ST7: variants seen among roughly 807,000 people sequenced by gnomAD.
ST7 encodes the protein suppression of tumorigenicity 7.
A neutral mutation model predicts 78.7 loss-of-function variants in ST7; 28 were observed. The ratio of observed to expected loss-of-function variants is 0.36; its 90% CI spans 0.26 to 0.49. ST7 has a LOEUF of 0.49. ST7 is among the 20% of genes least tolerant of loss of function. ST7 has a pLI of 0.99. For missense variants in ST7, 418 were observed against 696.0 expected (o/e 0.60, Z 4.49); for synonymous variants, 247 against 249.6 (o/e 0.99, Z 0.10).
intron 2 of ST7, among the ~76,000 whole-genome samples, chr7:117,113,198 C>G (rs1373410028): frequency 6.6e-6 from 1 of 152,184 alleles, no homozygotes; most frequent in Non-Finnish European, 1.5e-5. Context: ...GACCTAAGGA[C>G]TAGGCATTCA....
chr7:117,051,162 C>T (rs1797774774), intron 1 of ST7, among the ~76,000 whole-genome samples: 1 of 152,204 alleles, frequency 6.6e-6, no homozygotes, highest in Non-Finnish European at 1.5e-5. Context: ...CTGTGTTTAA[C>T]TGCTAGAATT....
At chr7:117,192,562 T>C (rs900751619) in intron 12 of ST7, among the ~76,000 whole-genome samples, 2 of 152,218 alleles carry the variant, frequency 1.3e-5, no homozygotes, top group African/African-American at 4.8e-5. Context: ...TTTTTGATGA[T>C]TTTAATATCA....
chr7:117,183,940 G>A (rs779749390), intron 10 of ST7, among the ~76,000 whole-genome samples: 22 of 152,312 alleles, frequency 1.4e-4, no homozygotes, highest in Non-Finnish European at 2.6e-4. Flanking sequence ...TGACTGACAC[G>A]TGCTACAACA....
intron 1 of ST7, chr7:116,972,414 C>G: frequency 1.4e-6 from 1 of 702,552 alleles, no homozygotes; most frequent in East Asian, 2.5e-5. Context: ...ACTTCAGATT[C>G]TGGTCCATCA....
intron 1 of ST7, among the ~76,000 whole-genome samples, chr7:117,081,794 G>T (rs1362940248): frequency 6.6e-6 from 1 of 152,046 alleles, no homozygotes; most frequent in Non-Finnish European, 1.5e-5. Flanking sequence ...AATTATTTTT[G>T]AAACATTTTT....
intron 8 of ST7, chr7:117,137,226 A>T (rs1445233973): frequency 6.6e-6 from 1 of 152,132 alleles, no homozygotes; most frequent in Non-Finnish European, 1.5e-5. Flanking sequence ...GTGCCAGCAA[A>T]ATCTTTGCAT....
intron 3 of ST7, among the ~76,000 whole-genome samples, chr7:117,120,787 A>G (rs1803307340): frequency 6.6e-6 from 1 of 152,138 alleles, no homozygotes; most frequent in South Asian, 2.1e-4. Flanking sequence ...TATCTCTAGC[A>G]TCTTGCAGTG....
chr7:117,198,842 G>T (rs1294743479), intron 12 of ST7, among the ~76,000 whole-genome samples: 1 of 151,956 alleles, frequency 6.6e-6, no homozygotes, highest in Non-Finnish European at 1.5e-5. Context: ...CCACTATTAT[G>T]GAGGCTGAGG....
chr7:117,203,503 A>T (rs1811064862), intron 12 of ST7, among the ~76,000 whole-genome samples: 1 of 152,146 alleles, frequency 6.6e-6, no homozygotes, highest in African/African-American at 2.4e-5. Context: ...GTAGGCTTTG[A>T]TGCTTTTGGT....
chr7:117,083,454 C>T (rs1055243345), intron 1 of ST7, among the ~76,000 whole-genome samples: 4 of 151,996 alleles, frequency 2.6e-5, no homozygotes, highest in Non-Finnish European at 5.9e-5. Context: ...GATGGGGTTT[C>T]ACCATGTTGG....
At chr7:117,170,758 TC>T (rs145123215) in intron 9 of ST7, 103 bp from the exon 10 acceptor site, 32,381 of 387,010 alleles carry the variant, frequency 0.084, 3,050 homozygotes, top group African/African-American at 0.3. Flanking sequence ...TGTATATATA[TC>T]CAAACCGTGA....
chr7:117,014,405 A>C (rs1264074834), intron 1 of ST7, among the ~76,000 whole-genome samples: 8 of 152,340 alleles, frequency 5.3e-5, no homozygotes, highest in African/African-American at 1.9e-4. Context: ...TGTCTATTTT[A>C]GGACTTGGAT....
intron 9 of ST7, among the ~76,000 whole-genome samples, chr7:117,142,685 C>G (rs1209748634): frequency 1.3e-5 from 2 of 152,100 alleles, no homozygotes; most frequent in East Asian, 3.9e-4. Context: ...GATCTTGGCT[C>G]ACTGCAACCT....
rs571879261 is a variant in ST7, at chr7:117,190,377, G to A, written c.1152-457G>A. ...TGCCGGAATGGCCCCAAGCAGGCTC[G>A]CCTGCTGCTGAAGCTGCAACGATTT... On this transcript the variant is annotated intron_variant, in intron 11 of 15. Coordinates refer to ENST00000323984, the MANE Select transcript of ST7 (RefSeq NM_001369598.1). This position sits in a 1 kb window ranked among gnomAD's most constrained non-coding sequence, Gnocchi z 5.2. 6 of 169,102 alleles carry A rather than the reference G, an allele frequency of 3.5e-5. No individual in the cohort carries two copies. In the South Asian group the frequency reaches 9.7e-4, roughly 27 times the overall value. The allele number at this position is 169,102 out of a possible 1,614,324, so 10.5% of individuals were successfully genotyped here. A position where few individuals can be genotyped will look rare whatever the true frequency, so the allele number is the denominator to read the frequency against.
intron 1 of ST7, among the ~76,000 whole-genome samples, chr7:117,069,384 T>G (rs914822322): frequency 1.3e-5 from 2 of 152,236 alleles, no homozygotes; most frequent in Admixed American, 1.3e-4. Context: ...AACAATGAAT[T>G]TCAATGGGCA....
At chr7:117,191,021 G>C (rs932933096) in intron 12 of ST7, 85 bp downstream of exon 12, 9 of 1,089,362 alleles carry the variant, frequency 8.3e-6, no homozygotes, top group Non-Finnish European at 1.2e-5. Flanking sequence ...CAAGTACACC[G>C]CTTATAAAAA....
At position 117,164,731 on chromosome 7, in the gene ST7, A is replaced by G. The variant is rs757865180; in HGVS notation, c.964-6131A>G. ...ATGGTTTAGTTCTGGACTTGGCAAC[A>G]TAGAAACTAGGGTTCTGATGTGTTG... On this transcript the variant is annotated intron_variant, in intron 9 of 15. Coordinates refer to ENST00000323984, the MANE Select transcript of ST7 (RefSeq NM_001369598.1). Among the ~76,000 whole-genome samples, 49 of 152,208 alleles carry G rather than the reference A, an allele frequency of 3.2e-4. 1 individual carries two copies. The highest frequency in any genetic ancestry group is 3.5e-4 in the Non-Finnish European group (24 of 68,042).
Position 116,979,339 on chromosome 7 carries a change from T to C in ST7, c.151+25648T>C, listed in dbSNP as rs567837314. ...GTCTCTTTTCCTAACAAGAGGCATTTCTCAAGATTCCATTTACAGCAGTCT... is the reference window on the plus strand; with the variant it reads ...GTCTCTTTTCCTAACAAGAGGCATTCCTCAAGATTCCATTTACAGCAGTCT... On this transcript the variant is annotated intron_variant, in intron 1 of 15. Coordinates refer to ENST00000323984, the MANE Select transcript of ST7 (RefSeq NM_001369598.1). Among the ~76,000 whole-genome samples, 6 of 152,368 alleles carry C rather than the reference T, an allele frequency of 3.9e-5. No individual in the cohort carries two copies. In the South Asian group the frequency reaches 1.2e-3, roughly 32 times the overall value.
At chr7:116,965,539 G>T (rs1163239850) in intron 1 of ST7, among the ~76,000 whole-genome samples, 2 of 152,052 alleles carry the variant, frequency 1.3e-5, no homozygotes, top group Admixed American at 1.3e-4. Context: ...TAACAAACCT[G>T]CACGTTCTGC....
Sources: allele counts gnomAD v4.1 joint callset (sites outside exome capture counted in the v4.1 genomes callset), GRCh38; gene constraint gnomAD v4.1.1; non-coding constraint Gnocchi (gnomAD v3.1); transcripts MANE v1.5; gene names NCBI Gene and HGNC (gene_info 2026-07-23, HGNC 2026-07-21).